KCTD8: variants seen among roughly 807,000 people sequenced by gnomAD.
KCTD8 encodes the protein BTB/POZ domain-containing protein KCTD8.
In KCTD8, 27 loss-of-function variants were observed where a neutral mutation model predicts 31.5. That is an observed-to-expected ratio of 0.86 (90% CI 0.63 to 1.18). The LOEUF (loss-of-function observed/expected upper bound fraction) is 1.18. Among genes scored for constraint, KCTD8 ranks in the 50% most tolerant of loss-of-function variants. KCTD8 has a pLI of 0.00. For synonymous variants in KCTD8, 290 were observed against 280.0 expected, an observed-to-expected ratio of 1.04 and a Z score of -0.36; for missense variants, 658 against 647.7, an observed-to-expected ratio of 1.02 and a Z score of -0.17.
chr4:44,408,336 T>A lies in KCTD8; in HGVS notation c.961+39227A>T, dbSNP rs571139869. Among the ~76,000 whole-genome samples, 14 of 152,314 alleles carry A rather than the reference T, an allele frequency of 9.2e-5. No homozygotes were observed. In the East Asian group the frequency reaches 2.7e-3, roughly 29 times the overall value. On this transcript the variant is annotated intron_variant, in intron 1 of 1. Transcript: ENST00000360029. ...GTTAAAATTATCACTTTGACTCAAA[T>A]GATCGCTATTTATTAAACAAAAAAT...
At chr4:44,331,731 T>TTA (rs368728228) in intron 1 of KCTD8, among the ~76,000 whole-genome samples, 2,753 of 147,666 alleles carry the variant, frequency 0.019, 32 homozygotes, top group Non-Finnish European at 0.029. Context: ...ATATATAGTT[T>TTA]TATATATATA....
At chr4:44,320,261 T>C (rs1718261035) in intron 1 of KCTD8, among the ~76,000 whole-genome samples, 1 of 141,230 alleles carries the variant, frequency 7.1e-6, no homozygotes, top group South Asian at 2.5e-4. Context: ...AGCAAATCAC[T>C]CCCATCCCTT....
chr4:44,214,018 A>C (rs922794098), intron 1 of KCTD8, among the ~76,000 whole-genome samples: 1 of 152,184 alleles, frequency 6.6e-6, no homozygotes, highest in Admixed American at 6.5e-5. Flanking sequence ...TTATATGCCT[A>C]ACAATGCAAC....
intron 1 of KCTD8, among the ~76,000 whole-genome samples, chr4:44,390,304 A>T (rs2109449695): frequency 6.6e-6 from 1 of 151,952 alleles, no homozygotes; most frequent in East Asian, 1.9e-4. Flanking sequence ...TCTTGAGTTG[A>T]TTTTTTTATA....
rs1560429798 is a variant in KCTD8, at chr4:44,337,678, A to AT, written c.961+109884_961+109885insA. Reference sequence around the variant, plus strand: ...GACAGAGCAAGACTCGATCTCAAAAAATATATATATATATATATATGTGTA... The same window carrying AT: ...GACAGAGCAAGACTCGATCTCAAAAATATATATATATATATATATATGTGTA... On this transcript the variant is annotated intron_variant, in intron 1 of 1. Transcript: ENST00000360029. 8.9e-3 allele frequency among the ~76,000 whole-genome samples: 1,089 copies of AT among 122,424 alleles called. 15 individuals carry two copies. Among genetic ancestry groups the AT allele is most frequent in the African/African-American group, 0.032 (1,016 of 31,508 alleles). 80.3% of individuals were successfully genotyped at this position (122,424 alleles called of 152,430 possible).
intron 1 of KCTD8, among the ~76,000 whole-genome samples, chr4:44,368,193 A>C (rs969204186): frequency 1.3e-5 from 2 of 152,242 alleles, no homozygotes; most frequent in Admixed American, 1.3e-4. Flanking sequence ...CATGGCCAAC[A>C]TGGTGAAACC....
intron 1 of KCTD8, among the ~76,000 whole-genome samples, chr4:44,260,079 C>T (rs1250977929): frequency 6.6e-6 from 1 of 150,850 alleles, no homozygotes; most frequent in Non-Finnish European, 1.5e-5. Flanking sequence ...CTTTGAACTT[C>T]AAAAATGCTA....
At chr4:44,237,197 C>T (rs1382026704) in intron 1 of KCTD8, among the ~76,000 whole-genome samples, 3 of 152,122 alleles carry the variant, frequency 2.0e-5, no homozygotes, top group Admixed American at 2.0e-4. Flanking sequence ...CCACTGCACT[C>T]CTAAAAGGAG....
chr4:44,403,591 T>C (rs1434349975), intron 1 of KCTD8, among the ~76,000 whole-genome samples: 1 of 152,154 alleles, frequency 6.6e-6, no homozygotes, highest in Non-Finnish European at 1.5e-5. Flanking sequence ...TATCTTCACA[T>C]GCATTTCCTC....
intron 1 of KCTD8, among the ~76,000 whole-genome samples, chr4:44,414,190 C>A (rs553132540): frequency 3.4e-5 from 5 of 148,054 alleles, no homozygotes. Context: ...CTGATCTTCA[C>A]AGAGTCCTGA....
chr4:44,235,334 G>A (rs1715244107), intron 1 of KCTD8, among the ~76,000 whole-genome samples: 1 of 149,576 alleles, frequency 6.7e-6, no homozygotes, highest in Non-Finnish European at 1.5e-5. Flanking sequence ...GATTTAAATT[G>A]TTACTTGTCA....
chr4:44,235,450 T>C lies in KCTD8; in HGVS notation c.962-60200A>G, dbSNP rs189542025. On this transcript the variant is annotated intron_variant, in intron 1 of 1. Transcript: ENST00000360029. ...ATACATAAACATCTCTCTATCTGTA[T>C]ATATACAGATAGAGAGCAAGAGAGA... Among the ~76,000 whole-genome samples, 14 of 144,466 alleles carry C rather than the reference T, an allele frequency of 9.7e-5. 1 individual carries two copies. Among genetic ancestry groups the C allele is most frequent in the Admixed American group, 9.0e-4 (13 of 14,456 alleles). The allele number at this position is 144,466 out of a possible 152,430, so 94.8% of individuals were successfully genotyped here. A position where few individuals can be genotyped will look rare whatever the true frequency, so the allele number is the denominator to read the frequency against.
intron 1 of KCTD8, among the ~76,000 whole-genome samples, chr4:44,202,754 A>AC (rs1387337405): frequency 6.6e-6 from 1 of 152,106 alleles, no homozygotes; most frequent in African/African-American, 2.4e-5. Context: ...CTGCACATGC[A>AC]CCCCCAAATA....
At chr4:44,250,120 C>G (rs530551630) in intron 1 of KCTD8, among the ~76,000 whole-genome samples, 9 of 151,828 alleles carry the variant, frequency 5.9e-5, no homozygotes, top group African/African-American at 2.2e-4. Context: ...TGTGAAAATG[C>G]ACATGTGTAA....
chr4:44,380,048 C>T (rs1344820051), intron 1 of KCTD8, among the ~76,000 whole-genome samples: 3 of 152,014 alleles, frequency 2.0e-5, no homozygotes, highest in South Asian at 2.1e-4. Context: ...GATATACATA[C>T]TGACATAGCC....
rs1457531975 is a variant in KCTD8, at chr4:44,327,264, A to G, written c.961+120299T>C. On this transcript the variant is annotated intron_variant, in intron 1 of 1. Transcript: ENST00000360029. ...TTTGGACAATGTATCTGTGAAAACA[A>G]CTTAAAATTAAGTCAGGTTTCGATC... Among the ~76,000 whole-genome samples the G allele has an allele frequency of 4.0e-5, 6 of 151,852 alleles. 1 individual carries two copies. Among genetic ancestry groups the G allele is most frequent in the Admixed American group, 2.6e-4 (4 of 15,242 alleles).
At chr4:44,262,911 T>C (rs1716224086) in intron 1 of KCTD8, among the ~76,000 whole-genome samples, 1 of 152,136 alleles carries the variant, frequency 6.6e-6, no homozygotes, top group Admixed American at 6.5e-5. Flanking sequence ...GACTTTCTGA[T>C]GTTATTGTAA....
chr4:44,332,375 A>G (rs1433843144), intron 1 of KCTD8, among the ~76,000 whole-genome samples: 1 of 152,018 alleles, frequency 6.6e-6, no homozygotes, highest in Non-Finnish European at 1.5e-5. Context: ...CATGGCTGTT[A>G]TATAATATAC....
At chr4:44,208,913 T>C (rs1011934239) in intron 1 of KCTD8, among the ~76,000 whole-genome samples, 4 of 152,206 alleles carry the variant, frequency 2.6e-5, no homozygotes, top group Non-Finnish European at 5.9e-5. Flanking sequence ...GTTCATCTTT[T>C]GTCCATGATC....
Sources: allele counts gnomAD v4.1 joint callset (sites outside exome capture counted in the v4.1 genomes callset), GRCh38; gene constraint gnomAD v4.1.1; transcripts MANE v1.5; gene names NCBI Gene and HGNC (gene_info 2026-07-23, HGNC 2026-07-21).